The following KCNS3 variants were observed in gnomAD, a reference collection of about 807,000 sequenced individuals.
The protein encoded by KCNS3 is delayed-rectifier potassium channel regulatory subunit KCNS3.
A neutral mutation model predicts 31.0 loss-of-function variants in KCNS3; 13 were observed. The observed-to-expected ratio is 0.42, with a 90% confidence interval of 0.27 to 0.67. The LOEUF (loss-of-function observed/expected upper bound fraction) is 0.67, where lower values mean the gene tolerates loss of function less well. Ranked by LOEUF, KCNS3 falls within the 30% of genes least tolerant of loss-of-function variation. KCNS3 has a pLI of 0.25. For synonymous variants in KCNS3, 238 were observed against 241.5 expected (o/e 0.99, Z 0.13); for missense variants, 545 against 622.4 (o/e 0.88, Z 1.32).
intron 1 of KCNS3, among the ~76,000 whole-genome samples, chr2:17,910,025 A>G (rs955349697): frequency 6.6e-6 from 1 of 152,260 alleles, no homozygotes; most frequent in Non-Finnish European, 1.5e-5. Flanking sequence ...TGGGAGTCTG[A>G]GAAACCCTAT....
intron 1 of KCNS3, among the ~76,000 whole-genome samples, chr2:17,882,886 G>T (rs1302799287): frequency 6.6e-6 from 1 of 152,000 alleles, no homozygotes; most frequent in Non-Finnish European, 1.5e-5. Flanking sequence ...CAGTTGTTAA[G>T]AGGATCAAAA....
intron 1 of KCNS3, among the ~76,000 whole-genome samples, chr2:17,908,080 G>A (rs1036630432): frequency 4.6e-5 from 7 of 152,130 alleles, no homozygotes; most frequent in South Asian, 2.1e-4. Context: ...CATTCTCCCC[G>A]TCACTTTTAG....
intron 1 of KCNS3, among the ~76,000 whole-genome samples, chr2:17,896,009 T>C (rs1385101294): frequency 6.6e-6 from 1 of 152,156 alleles, no homozygotes; most frequent in Non-Finnish European, 1.5e-5. Flanking sequence ...ACATAGAGTA[T>C]TGGCATATTC....
intron 1 of KCNS3, among the ~76,000 whole-genome samples, chr2:17,912,887 G>A (rs1662502450): frequency 6.6e-6 from 1 of 152,132 alleles, no homozygotes; most frequent in Non-Finnish European, 1.5e-5. Context: ...TTCTTTTAGG[G>A]ACAGATTTTT....
At chr2:17,912,521 G>T (rs1048747319) in intron 1 of KCNS3, among the ~76,000 whole-genome samples, 1 of 152,212 alleles carries the variant, frequency 6.6e-6, no homozygotes, top group East Asian at 1.9e-4. Context: ...TGACTGTGTT[G>T]TACTTCCTTC....
At chr2:17,907,614 T>C (rs1206248525) in intron 1 of KCNS3, among the ~76,000 whole-genome samples, 2 of 152,184 alleles carry the variant, frequency 1.3e-5, no homozygotes, top group Non-Finnish European at 2.9e-5. Context: ...TTCCTTTCCA[T>C]GTTTAGTGCT....
chr2:17,930,710 T>C (rs1348081064), intron 2 of KCNS3, among the ~76,000 whole-genome samples: 7 of 152,218 alleles, frequency 4.6e-5, no homozygotes, highest in Non-Finnish European at 1.0e-4. Context: ...TCATACAAAT[T>C]ATATTGCCAT....
intron 2 of KCNS3, among the ~76,000 whole-genome samples, chr2:17,928,362 G>A (rs1348569663): frequency 3.3e-5 from 5 of 152,172 alleles, no homozygotes; most frequent in African/African-American, 1.2e-4. Context: ...CCCCTCCTGG[G>A]TTCAAGTGAT....
intron 1 of KCNS3, among the ~76,000 whole-genome samples, chr2:17,884,343 CT>C: frequency 6.9e-6 from 1 of 144,198 alleles, no homozygotes; most frequent in Non-Finnish European, 1.5e-5. Flanking sequence ...AAGCTGTGCC[CT>C]TTAGGTCAAG....
chr2:17,881,156 C>T (rs972993160), intron 1 of KCNS3, among the ~76,000 whole-genome samples: 5 of 152,104 alleles, frequency 3.3e-5, no homozygotes, highest in Non-Finnish European at 7.3e-5. Context: ...GTAGATGGAA[C>T]CCCCCAGGTG....
chr2:17,880,558 AAGG>A (rs1237953307), intron 1 of KCNS3, among the ~76,000 whole-genome samples: 4 of 152,224 alleles, frequency 2.6e-5, no homozygotes, highest in Admixed American at 2.0e-4. Context: ...TGAATATACT[AAGG>A]AGACTTGCGG....
chr2:17,885,304 T>G (rs1661617966), intron 1 of KCNS3, among the ~76,000 whole-genome samples: 1 of 152,190 alleles, frequency 6.6e-6, no homozygotes, highest in African/African-American at 2.4e-5. Context: ...CTGGTCTTCT[T>G]CATTGCATGA....
chr2:17,888,601 C>A (rs1176837686), intron 1 of KCNS3, among the ~76,000 whole-genome samples: 2 of 125,526 alleles, frequency 1.6e-5, no homozygotes, highest in Admixed American at 8.8e-5. Context: ...CACATGTACC[C>A]TAGAACTTAA....
intron 1 of KCNS3, among the ~76,000 whole-genome samples, chr2:17,894,173 A>T (rs1558448868): frequency 2.6e-5 from 4 of 152,148 alleles, no homozygotes; most frequent in Admixed American, 2.6e-4. Context: ...TTCCATGCAG[A>T]CATCATTAGA....
intron 1 of KCNS3, among the ~76,000 whole-genome samples, chr2:17,899,805 C>T (rs1373384816): frequency 6.6e-6 from 1 of 152,204 alleles, no homozygotes; most frequent in Non-Finnish European, 1.5e-5. Flanking sequence ...CAAACTGTGA[C>T]TCTTCTATTT....
At chr2:17,886,917 T>C (rs1193284315) in intron 1 of KCNS3, among the ~76,000 whole-genome samples, 4 of 148,522 alleles carry the variant, frequency 2.7e-5, no homozygotes, top group Non-Finnish European at 5.9e-5. Flanking sequence ...TGTGAAAGTT[T>C]ATGCAAAACC....
At chr2:17,898,704 G>A (rs994190931) in intron 1 of KCNS3, among the ~76,000 whole-genome samples, 3 of 152,278 alleles carry the variant, frequency 2.0e-5, no homozygotes, top group East Asian at 1.9e-4. Flanking sequence ...GAGAGAACAC[G>A]AGGACATTAT....
At chr2:17,896,451 G>A (rs1260835195) in intron 1 of KCNS3, among the ~76,000 whole-genome samples, 1 of 152,036 alleles carries the variant, frequency 6.6e-6, no homozygotes, top group Non-Finnish European at 1.5e-5. Flanking sequence ...ATGTACTGGT[G>A]TGACTTTGGG....
intron 1 of KCNS3, among the ~76,000 whole-genome samples, chr2:17,882,290 T>C (rs1674661390): frequency 6.6e-6 from 1 of 152,228 alleles, no homozygotes; most frequent in Non-Finnish European, 1.5e-5. Flanking sequence ...GTATAACCTA[T>C]TGTGGTTTGT....
Sources: allele counts gnomAD v4.1 joint callset (sites outside exome capture counted in the v4.1 genomes callset), GRCh38; gene constraint gnomAD v4.1.1; transcripts MANE v1.5; gene names NCBI Gene and HGNC (gene_info 2026-07-23, HGNC 2026-07-21).